The following PELI1 variants were observed in gnomAD, a reference collection of about 807,000 sequenced individuals.
PELI1 encodes the protein E3 ubiquitin-protein ligase pellino homolog 1.
PELI1 carries 15 observed loss-of-function variants against 41.3 expected under a neutral mutation model. The ratio of observed to expected loss-of-function variants is 0.36; its 90% confidence interval spans 0.24 to 0.56. The LOEUF (loss-of-function observed/expected upper bound fraction) is 0.56. Among genes scored for constraint, PELI1 ranks in the 20% least tolerant of loss-of-function variants. The pLI is 0.82. For missense variants in PELI1, 403 were observed against 525.5 expected (o/e 0.77, Z 2.28); for synonymous variants, 178 against 180.1 (o/e 0.99, Z 0.09).
At chr2:64,099,475 A>C (rs1477968956) in intron 4 of PELI1, among the ~76,000 whole-genome samples, 1 of 152,224 alleles carries the variant, frequency 6.6e-6, no homozygotes, top group Non-Finnish European at 1.5e-5. Context: ...AAAGTGAGGA[A>C]AACATAATAA....
chr2:64,122,701 A>G (rs1011176821), intron 1 of PELI1, among the ~76,000 whole-genome samples: 2 of 152,170 alleles, frequency 1.3e-5, no homozygotes, highest in African/African-American at 4.8e-5. Context: ...ATTCTACAGT[A>G]CATTTGTATT....
chr2:64,110,939 A>G (rs1401996001), intron 1 of PELI1, among the ~76,000 whole-genome samples: 1 of 151,454 alleles, frequency 6.6e-6, no homozygotes, highest in East Asian at 1.9e-4. Flanking sequence ...ATATATATAT[A>G]TATATGTATT....
At chr2:64,136,269 C>T (rs541072912) in intron 1 of PELI1, among the ~76,000 whole-genome samples, 1 of 152,132 alleles carries the variant, frequency 6.6e-6, no homozygotes, top group African/African-American at 2.4e-5. Flanking sequence ...TAAATATGGG[C>T]TCAGTTGTTC....
At chr2:64,140,804 C>CAAAAAAAAAAAAAAAAAAAAAA (rs200569281) in intron 1 of PELI1, among the ~76,000 whole-genome samples, 1 of 102,608 alleles carries the variant, frequency 9.7e-6, no homozygotes, top group African/African-American at 4.3e-5. Context: ...AAAAAACAAA[C>CAAAAAAAAAAAAAAAAAAAAAA]AAACAAAAAA....
At chr2:64,104,197 C>T (rs1279014303) in intron 3 of PELI1, among the ~76,000 whole-genome samples, 3 of 152,148 alleles carry the variant, frequency 2.0e-5, no homozygotes, top group African/African-American at 7.2e-5. Flanking sequence ...GTACTATGCT[C>T]AAATATATGA....
intron 4 of PELI1, among the ~76,000 whole-genome samples, chr2:64,098,571 T>G (rs558315105): frequency 5.2e-4 from 79 of 152,348 alleles, no homozygotes; most frequent in Non-Finnish European, 1.0e-3. Context: ...TGTAAAGTCT[T>G]TTCTCCATCC....
intron 1 of PELI1, among the ~76,000 whole-genome samples, chr2:64,133,599 G>A (rs1278071751): frequency 2.0e-5 from 3 of 151,982 alleles, no homozygotes; most frequent in African/African-American, 4.8e-5. Context: ...ACCTTGTAAA[G>A]ATAAGGAAAC....
chr2:64,108,390 A>G lies in PELI1; in HGVS notation c.-69-11T>C, dbSNP rs144850239. 6.0e-4 allele frequency: 498 copies of G among 823,562 alleles called. No homozygotes were observed. The African/African-American group carries it at 7.2e-3, about 12-fold the overall frequency. The allele number at this position is 823,562 out of a possible 1,614,324, so 51.0% of individuals were successfully genotyped here. A position where few individuals can be genotyped will look rare whatever the true frequency, so the allele number is the denominator to read the frequency against. On this transcript the variant is annotated splice_polypyrimidine_tract_variant and intron_variant, in intron 1 of 6. Coordinates refer to ENST00000358912, the MANE Select transcript of PELI1 (RefSeq NM_020651.4). ...CTTTTGCATTATTTCCTAGAGGGGA[A>G]AAGTTTTCATTAATAATGTGAACAA... is the stretch of plus-strand genomic sequence containing the variant.
chr2:64,101,204 A>C (rs1304363619), intron 3 of PELI1, among the ~76,000 whole-genome samples: 2 of 152,178 alleles, frequency 1.3e-5, no homozygotes, highest in Admixed American at 6.5e-5. Context: ...GTTCACTCAT[A>C]AGCCAAGTTA....
chr2:64,143,763 G>A (rs545071193), intron 1 of PELI1, among the ~76,000 whole-genome samples: 24 of 152,058 alleles, frequency 1.6e-4, no homozygotes, highest in African/African-American at 5.8e-4. Flanking sequence ...CCCGCCACCC[G>A]CAGAGCTCCC....
chr2:64,138,094 GT>G (rs968404933), intron 1 of PELI1, among the ~76,000 whole-genome samples: 1 of 151,728 alleles, frequency 6.6e-6, no homozygotes, highest in Admixed American at 6.6e-5. Flanking sequence ...AGTTACGCTA[GT>G]TTTTTTTGTT....
At chr2:64,121,742 C>T (rs537365585) in intron 1 of PELI1, among the ~76,000 whole-genome samples, 2 of 152,040 alleles carry the variant, frequency 1.3e-5, no homozygotes, top group South Asian at 4.2e-4. Context: ...CCCGTCTCTA[C>T]TAAAAATATA....
intron 3 of PELI1, among the ~76,000 whole-genome samples, chr2:64,102,486 C>T (rs1173783229): frequency 6.6e-6 from 1 of 152,200 alleles, no homozygotes; most frequent in Non-Finnish European, 1.5e-5. Flanking sequence ...GATCTTCCTG[C>T]CTCTGCCTCC....
chr2:64,092,884 T>C lies in PELI1; in HGVS notation c.*1818A>G, dbSNP rs1454914300. On this transcript the variant is annotated 3_prime_UTR_variant, in exon 7 of 7. Coordinates refer to ENST00000358912, the MANE Select transcript of PELI1 (RefSeq NM_020651.4). Reference sequence around the variant, plus strand: ...TGTATTTTGAAAAGTATTTACTTAGTTTAAATAAATTAATTGCAAATAAAA... The same window carrying C: ...TGTATTTTGAAAAGTATTTACTTAGCTTAAATAAATTAATTGCAAATAAAA... 6.6e-6 allele frequency: 1 copy of C among 152,250 alleles called. No individual in the cohort carries two copies. Among genetic ancestry groups the C allele is most frequent in the Non-Finnish European group, 1.5e-5 (1 of 68,042 alleles). The allele number at this position is 152,250 out of a possible 1,614,324, so 9.4% of individuals were successfully genotyped here. A position where few individuals can be genotyped will look rare whatever the true frequency, so the allele number is the denominator to read the frequency against.
At chr2:64,121,751 T>A (rs1454083966) in intron 1 of PELI1, among the ~76,000 whole-genome samples, 1 of 151,640 alleles carries the variant, frequency 6.6e-6, no homozygotes, top group East Asian at 1.9e-4. Context: ...ACTAAAAATA[T>A]AAAATTAGCC....
chr2:64,108,516 C>G, intron 1 of PELI1, 137 bp from the exon 2 acceptor site: 1 of 469,388 alleles, frequency 2.1e-6, no homozygotes, highest in Non-Finnish European at 3.8e-6. Flanking sequence ...GGACATTTTG[C>G]CCAATAATGA....
chr2:64,107,800 C>G (rs547015708), intron 2 of PELI1, among the ~76,000 whole-genome samples: 20 of 152,206 alleles, frequency 1.3e-4, no homozygotes, highest in East Asian at 3.9e-4. Flanking sequence ...GCCTCAATCT[C>G]CCAAGTAACT....
intron 1 of PELI1, among the ~76,000 whole-genome samples, chr2:64,112,636 A>ACATT (rs952110267): frequency 6.6e-6 from 1 of 152,246 alleles, no homozygotes; most frequent in African/African-American, 2.4e-5. Flanking sequence ...TCACAGGAAC[A>ACATT]CATTCAATCT....
At chr2:64,127,030 T>C (rs1447375891) in intron 1 of PELI1, among the ~76,000 whole-genome samples, 2 of 152,226 alleles carry the variant, frequency 1.3e-5, no homozygotes, top group Admixed American at 6.5e-5. Flanking sequence ...ATGACAATTA[T>C]TAACTCCTCT....
Sources: gnomAD v4.1 joint callset for allele counts (sites outside exome capture counted in the v4.1 genomes callset) on GRCh38, gnomAD v4.1.1 for gene constraint, MANE v1.5 for transcripts, NCBI Gene and HGNC (gene_info 2026-07-23, HGNC 2026-07-21) for gene names.